The following MSI2 variants were observed in gnomAD, a reference collection of about 807,000 sequenced individuals.
The protein encoded by MSI2 is musashi RNA binding protein 2.
MSI2 carries 17 observed loss-of-function variants against 45.6 expected under a neutral mutation model. The ratio of observed to expected loss-of-function variants is 0.37; its 90% CI spans 0.26 to 0.56. MSI2 has a LOEUF of 0.56. Ranked by LOEUF, MSI2 falls within the 20% of genes least tolerant of loss-of-function variation. The probability of loss-of-function intolerance (pLI) is 0.77; values close to 1 mark genes in which losing one functional copy is unlikely to be tolerated. For missense variants in MSI2, 293 were observed against 444.2 expected (o/e 0.66, Z 3.06); for synonymous variants, 156 against 158.2 (o/e 0.99, Z 0.11).
rs1457949358 is a variant in MSI2, at chr17:57,256,667, C to T, written c.-76C>T. 3.6e-5 allele frequency: 23 copies of T among 633,274 alleles called. No individual in the cohort carries two copies. The Admixed American group carries it at 9.2e-4, about 25-fold the overall frequency. The allele number at this position is 633,274 out of a possible 1,614,324, so 39.2% of individuals were successfully genotyped here. The stretch of plus-strand genomic sequence containing the variant: ...AGGAGGGAGCGGAGATCTCGGGGCT[C>T]GGAGCCGGCCGCCGCTCCGCTCCGA... On this transcript the variant is annotated 5_prime_UTR_variant, in exon 1 of 14. Coordinates refer to ENST00000284073, the MANE Select transcript of MSI2 (RefSeq NM_138962.4).
chr17:57,276,636 G>A (rs920289539), intron 5 of MSI2, among the ~76,000 whole-genome samples: 1 of 152,240 alleles, frequency 6.6e-6, no homozygotes, highest in African/African-American at 2.4e-5. Flanking sequence ...CTGGGTGGGT[G>A]TGGGTTCTGA....
chr17:57,467,763 G>C (rs2085355143), intron 6 of MSI2, among the ~76,000 whole-genome samples: 1 of 152,046 alleles, frequency 6.6e-6, no homozygotes, highest in Non-Finnish European at 1.5e-5. Context: ...AACATTTACG[G>C]ATGTCTGTAC....
At chr17:57,301,079 C>T (rs901065113) in intron 5 of MSI2, among the ~76,000 whole-genome samples, 4 of 152,154 alleles carry the variant, frequency 2.6e-5, no homozygotes, top group Non-Finnish European at 5.9e-5. Context: ...ACACGGAGAC[C>T]TTCCTTATGT....
At chr17:57,315,744 A>G (rs1318461661) in intron 5 of MSI2, among the ~76,000 whole-genome samples, 1 of 152,124 alleles carries the variant, frequency 6.6e-6, no homozygotes, top group East Asian at 1.9e-4. Flanking sequence ...ATGGCCCACA[A>G]CTTTCCTTCA....
At chr17:57,376,501 C>T (rs372347742) in intron 5 of MSI2, among the ~76,000 whole-genome samples, 3 of 152,182 alleles carry the variant, frequency 2.0e-5, no homozygotes, top group East Asian at 3.8e-4. Context: ...GGGCCAAGCA[C>T]GGCAGGTGAG....
At chr17:57,418,551 C>G (rs567290729) in intron 6 of MSI2, among the ~76,000 whole-genome samples, 1 of 152,272 alleles carries the variant, frequency 6.6e-6, no homozygotes, top group South Asian at 2.1e-4. Flanking sequence ...TGGGGTCTTG[C>G]TTTTTTCTTG....
chr17:57,527,204 T>C (rs573750746), intron 6 of MSI2, among the ~76,000 whole-genome samples: 2 of 152,154 alleles, frequency 1.3e-5, no homozygotes, highest in Non-Finnish European at 2.9e-5. Context: ...TTAGAAAATA[T>C]GGAGATGGGT....
At chr17:57,606,611 A>G (rs1232502688) in intron 8 of MSI2, among the ~76,000 whole-genome samples, 2 of 152,092 alleles carry the variant, frequency 1.3e-5, no homozygotes, top group Non-Finnish European at 1.5e-5. Context: ...CCTCTGAGGG[A>G]AGAGCCACAT....
intron 5 of MSI2, among the ~76,000 whole-genome samples, chr17:57,333,440 C>CTT (rs1567762862): frequency 1.1e-4 from 16 of 147,448 alleles, no homozygotes; most frequent in African/African-American, 3.6e-4. Flanking sequence ...TGATTTGTAC[C>CTT]GTTTTTTTTT....
chr17:57,375,531 T>A (rs1279678937), intron 5 of MSI2, among the ~76,000 whole-genome samples: 14 of 152,192 alleles, frequency 9.2e-5, no homozygotes, highest in Admixed American at 9.2e-4. Context: ...AGCCATGGGA[T>A]CACGGCGTGG....
At chr17:57,497,422 G>T (rs1313145525) in intron 6 of MSI2, among the ~76,000 whole-genome samples, 1 of 152,212 alleles carries the variant, frequency 6.6e-6, no homozygotes, top group Non-Finnish European at 1.5e-5. Context: ...GCTGTGTGTG[G>T]CAGGAAGTGA....
intron 5 of MSI2, among the ~76,000 whole-genome samples, chr17:57,338,792 A>T (rs1205416346): frequency 2.6e-5 from 4 of 152,216 alleles, no homozygotes; most frequent in African/African-American, 9.6e-5. Context: ...TGAGCAGCTC[A>T]CGCAGGGACT....
intron 7 of MSI2, among the ~76,000 whole-genome samples, chr17:57,565,326 A>G (rs1189498394): frequency 1.3e-5 from 2 of 152,160 alleles, no homozygotes. Context: ...TCCCAGCCTC[A>G]CGCTGTACCA....
At chr17:57,358,539 A>T (rs948501270) in intron 5 of MSI2, among the ~76,000 whole-genome samples, 1 of 152,120 alleles carries the variant, frequency 6.6e-6, no homozygotes, top group Non-Finnish European at 1.5e-5. Flanking sequence ...TATGAAAGTG[A>T]TGTATTAGAA....
intron 5 of MSI2, among the ~76,000 whole-genome samples, chr17:57,307,708 G>A (rs2143582167): frequency 6.7e-6 from 1 of 149,308 alleles, no homozygotes; most frequent in African/African-American, 2.5e-5. Context: ...GGCCTCCTTG[G>A]GATTATAGGC....
intron 9 of MSI2, among the ~76,000 whole-genome samples, chr17:57,619,517 G>A (rs1432502315): frequency 6.6e-6 from 1 of 152,226 alleles, no homozygotes; most frequent in East Asian, 1.9e-4. Flanking sequence ...GAGTAAGGCA[G>A]GGGCCTTCCA....
chr17:57,471,463 G>T (rs1257769919), intron 6 of MSI2, among the ~76,000 whole-genome samples: 1 of 151,772 alleles, frequency 6.6e-6, no homozygotes, highest in Non-Finnish European at 1.5e-5. Context: ...GCTAATTTTT[G>T]TATTTTTAGT....
At chr17:57,350,305 AT>A (rs1038676140) in intron 5 of MSI2, among the ~76,000 whole-genome samples, 1 of 150,368 alleles carries the variant, frequency 6.7e-6, no homozygotes, top group East Asian at 1.9e-4. Context: ...GATAGCTTTT[AT>A]TTTTTTGCCT....
intron 5 of MSI2, among the ~76,000 whole-genome samples, chr17:57,270,429 G>A (rs1410040554): frequency 6.6e-6 from 1 of 152,210 alleles, no homozygotes; most frequent in South Asian, 2.1e-4. Context: ...TCCAACATGA[G>A]TGGGCAGAGT....
Sources: allele counts gnomAD v4.1 joint callset (sites outside exome capture counted in the v4.1 genomes callset), GRCh38; gene constraint gnomAD v4.1.1; transcripts MANE v1.5; gene names NCBI Gene and HGNC (gene_info 2026-07-23, HGNC 2026-07-21).